The following ZC3H12B variants were observed in gnomAD, a reference collection of about 807,000 sequenced individuals.
ZC3H12B encodes probable ribonuclease ZC3H12B.
ZC3H12B carries 7 observed loss-of-function variants against 43.9 expected under a neutral mutation model. That is an observed-to-expected ratio of 0.16 (90% CI 0.09 to 0.30). The LOEUF (loss-of-function observed/expected upper bound fraction) is 0.30, where lower values mean the gene tolerates loss of function less well. ZC3H12B is among the 10% of genes least tolerant of loss of function. The pLI, the probability that ZC3H12B is intolerant of heterozygous loss-of-function variation, is 1.00. For synonymous variants in ZC3H12B, 222 were observed against 241.7 expected, an observed-to-expected ratio of 0.92 and a Z score of 0.76; for missense variants, 475 against 670.2, an observed-to-expected ratio of 0.71 and a Z score of 3.22.
At chrX:65,172,197 CT>C in the ZC3H12B span, among the ~76,000 whole-genome samples, 1 of 112,530 alleles carries the variant, frequency 8.9e-6, no homozygotes, top group Non-Finnish European at 1.9e-5. Context: ...TGATGACGAT[CT>C]TTTTTTCATA....
the ZC3H12B span, among the ~76,000 whole-genome samples, chrX:65,335,563 C>T: frequency 4.5e-5 from 5 of 111,118 alleles, no homozygotes; most frequent in African/African-American, 1.3e-4. Flanking sequence ...AAATTCAAGA[C>T]GGTTCTTGGA....
chrX:65,067,898 C>T, the ZC3H12B span, among the ~76,000 whole-genome samples: 1 of 110,632 alleles, frequency 9.0e-6, no homozygotes, highest in Non-Finnish European at 1.9e-5. Context: ...CTTGGTATTG[C>T]TTTTGCTGTA....
At chrX:65,226,826 A>G in the ZC3H12B span, among the ~76,000 whole-genome samples, 1 of 111,935 alleles carries the variant, frequency 8.9e-6, no homozygotes, top group African/African-American at 3.3e-5. Flanking sequence ...CAACCAGAAG[A>G]GCTAACTATC....
chrX:65,204,488 A>G, the ZC3H12B span, among the ~76,000 whole-genome samples: 4 of 112,226 alleles, frequency 3.6e-5, no homozygotes, highest in Non-Finnish European at 5.6e-5. Context: ...TAAAATAATC[A>G]TAATTATTGA....
intron 1 of ZC3H12B, among the ~76,000 whole-genome samples, 177 bp from the exon 7 acceptor site, chrX:65,496,955 A>AT (rs1306847142): frequency 9.1e-6 from 1 of 110,138 alleles, no homozygotes; most frequent in Non-Finnish European, 1.9e-5. Context: ...GACCAAAAAA[A>AT]AAAAAAAAAG....
At chrX:65,317,647 G>A in the ZC3H12B span, among the ~76,000 whole-genome samples, 1 of 108,105 alleles carries the variant, frequency 9.3e-6, no homozygotes. Flanking sequence ...TTCCATTCCT[G>A]AGTTATTTCA....
At chrX:65,397,525 C>T (rs900397100) in intron 2 of ZC3H12B, among the ~76,000 whole-genome samples, 2 of 111,462 alleles carry the variant, frequency 1.8e-5, no homozygotes, top group African/African-American at 6.5e-5. Context: ...TATTGGGCCC[C>T]ACTGTCTTCT....
intron 2 of ZC3H12B, among the ~76,000 whole-genome samples, chrX:65,377,590 T>A (rs1203233483): frequency 9.0e-6 from 1 of 110,623 alleles, no homozygotes; most frequent in East Asian, 2.8e-4. Flanking sequence ...AGTGGACACC[T>A]TGCAAGCAAC....
At chrX:65,053,261 C>T in the ZC3H12B span, among the ~76,000 whole-genome samples, 1 of 110,846 alleles carries the variant, frequency 9.0e-6, no homozygotes, top group African/African-American at 3.3e-5. Flanking sequence ...TCCCCACTCC[C>T]CCCACCCCGC....
chrX:65,194,007 G>T, the ZC3H12B span, among the ~76,000 whole-genome samples: 1 of 110,367 alleles, frequency 9.1e-6, no homozygotes, highest in Admixed American at 9.7e-5. Flanking sequence ...GGAGCAAGAG[G>T]AAGAAGGGTG....
At chrX:65,084,895 G>A in the ZC3H12B span, among the ~76,000 whole-genome samples, 5 of 112,478 alleles carry the variant, frequency 4.4e-5, no homozygotes, top group East Asian at 2.8e-4. Flanking sequence ...AGAAAACATG[G>A]TACTTAGATA....
the ZC3H12B span, among the ~76,000 whole-genome samples, chrX:65,143,562 C>CT: frequency 7.0e-3 from 678 of 97,164 alleles, 1 homozygote; most frequent in Non-Finnish European, 9.5e-3. Flanking sequence ...GGTGAATTAT[C>CT]TTTTTTTTTT....
the ZC3H12B span, among the ~76,000 whole-genome samples, chrX:65,135,589 G>A: frequency 2.5e-4 from 27 of 108,867 alleles, no homozygotes; most frequent in Admixed American, 2.1e-3. Context: ...ATTTTGTAAC[G>A]CAGGCTAAAT....
At chrX:65,315,340 G>A in the ZC3H12B span, among the ~76,000 whole-genome samples, 2 of 111,884 alleles carry the variant, frequency 1.8e-5, no homozygotes, top group East Asian at 2.8e-4. Flanking sequence ...ACAGAAGAAT[G>A]GGAGAAGAAA....
At chrX:65,105,410 T>TA in the ZC3H12B span, among the ~76,000 whole-genome samples, 1 of 111,029 alleles carries the variant, frequency 9.0e-6, no homozygotes, top group African/African-American at 3.3e-5. Flanking sequence ...TCCCAGAACT[T>TA]AAAGTAAAAT....
the ZC3H12B span, among the ~76,000 whole-genome samples, chrX:65,262,203 AAACT>A: frequency 7.2e-5 from 8 of 111,354 alleles, no homozygotes; most frequent in African/African-American, 1.6e-4. Flanking sequence ...GATAACCAGG[AAACT>A]AACTGTTTTT....
At chrX:65,188,828 G>T in the ZC3H12B span, among the ~76,000 whole-genome samples, 2 of 105,976 alleles carry the variant, frequency 1.9e-5, no homozygotes, top group Admixed American at 1.0e-4. Flanking sequence ...TAAGTTTTAG[G>T]GTACATGTGC....
intron 3 of ZC3H12B, among the ~76,000 whole-genome samples, chrX:65,421,032 C>A (rs1207163326): frequency 8.9e-6 from 1 of 112,064 alleles, no homozygotes; most frequent in African/African-American, 3.2e-5. Flanking sequence ...AACTTGCCAG[C>A]CCTATGCAAT....
At chrX:65,374,915 G>C (rs1366798577) in intron 2 of ZC3H12B, among the ~76,000 whole-genome samples, 1 of 111,207 alleles carries the variant, frequency 9.0e-6, no homozygotes, top group Non-Finnish European at 1.9e-5. Flanking sequence ...TGCCCCCCAT[G>C]ATCCAATTAC....
Sources: allele counts gnomAD v4.1 joint callset (sites outside exome capture counted in the v4.1 genomes callset), GRCh38; gene constraint gnomAD v4.1.1; transcripts MANE v1.5; gene names NCBI Gene and HGNC (gene_info 2026-07-23, HGNC 2026-07-21).